TLL2: variants seen among roughly 807,000 people sequenced by gnomAD.
TLL2 encodes the protein tolloid like 2, also known as tolloid-like protein 2.
Under a neutral mutation model 123.0 loss-of-function variants are expected in TLL2, and 106 were observed. That is an observed-to-expected ratio of 0.86 (90% confidence interval 0.74 to 1.01). The LOEUF is 1.01. TLL2 is among the 50% of genes least tolerant of loss of function. The pLI, the probability that TLL2 is intolerant of heterozygous loss-of-function variation, is 0.00. For missense variants in TLL2, 1,332 were observed against 1,336.7 expected (o/e 1.00, Z 0.06); for synonymous variants, 494 against 516.8 (o/e 0.96, Z 0.60).
chr10:96,474,153 C>T (rs1325546181), intron 2 of TLL2, among the ~76,000 whole-genome samples: 1 of 152,164 alleles, frequency 6.6e-6, no homozygotes, highest in African/African-American at 2.4e-5. Flanking sequence ...CTTCTCACTG[C>T]AAATAAAATG....
At chr10:96,427,402 C>A (rs924744821) in intron 5 of TLL2, among the ~76,000 whole-genome samples, 15 of 152,210 alleles carry the variant, frequency 9.9e-5, no homozygotes, top group Admixed American at 7.9e-4. Context: ...GTGACACTGA[C>A]TTACTTGGGC....
chr10:96,457,922 A>G (rs1391871717), intron 2 of TLL2, among the ~76,000 whole-genome samples: 1 of 152,114 alleles, frequency 6.6e-6, no homozygotes, highest in Non-Finnish European at 1.5e-5. Context: ...CAATGATCTC[A>G]TTTATTCGCT....
chr10:96,448,896 G>A (rs1846927004), intron 2 of TLL2, among the ~76,000 whole-genome samples: 1 of 152,092 alleles, frequency 6.6e-6, no homozygotes, highest in Admixed American at 6.5e-5. Flanking sequence ...TCAGGATTTT[G>A]GCTTTTATTC....
At chr10:96,434,023 C>G (rs923149348) in intron 3 of TLL2, among the ~76,000 whole-genome samples, 3 of 152,186 alleles carry the variant, frequency 2.0e-5, no homozygotes, top group Non-Finnish European at 4.4e-5. Flanking sequence ...GATCCACCCG[C>G]CTAGGCCTCC....
intron 2 of TLL2, among the ~76,000 whole-genome samples, chr10:96,460,695 C>T (rs893442353): frequency 6.6e-6 from 1 of 152,160 alleles, no homozygotes; most frequent in Non-Finnish European, 1.5e-5. Context: ...CCTGAGGACT[C>T]CCCAGCCACA....
chr10:96,484,886 C>A (rs1176645653), intron 1 of TLL2, among the ~76,000 whole-genome samples: 1 of 152,172 alleles, frequency 6.6e-6, no homozygotes, highest in African/African-American at 2.4e-5. Flanking sequence ...GATTTCCCCA[C>A]AGAGGTCAAA....
In TLL2 at chr10:96,387,138, A is replaced by T. The variant is rs1589408519; in HGVS notation, c.1727-60T>A. The T allele has an allele frequency of 6.3e-6, 10 of 1,587,584 alleles. No individual in the cohort carries two copies. In the East Asian group the frequency reaches 2.3e-4, roughly 36 times the overall value. On this transcript the variant is annotated intron_variant, in intron 13 of 20. Coordinates refer to ENST00000357947, the MANE Select transcript of TLL2 (RefSeq NM_012465.4). ...TCAGGAAGCCTCCTGGCTGTTCCCA[A>T]CCCTTGCATATCCCAGTGTCACCAG... is the stretch of plus-strand genomic sequence containing the variant.
intron 17 of TLL2, 114 bp downstream of exon 17, chr10:96,378,853 T>C: frequency 1.4e-6 from 2 of 1,413,146 alleles, no homozygotes; most frequent in Non-Finnish European, 1.9e-6. Context: ...GGGCCTCAGC[T>C]CAGAAGGTGG....
At chr10:96,418,631 C>A (rs1846588659) in intron 7 of TLL2, among the ~76,000 whole-genome samples, 1 of 151,386 alleles carries the variant, frequency 6.6e-6, no homozygotes, top group Non-Finnish European at 1.5e-5. Flanking sequence ...AGTCTCTGTC[C>A]TCAAGGATCT....
At chr10:96,424,217 T>A (rs1329302738) in intron 5 of TLL2, among the ~76,000 whole-genome samples, 1 of 151,494 alleles carries the variant, frequency 6.6e-6, no homozygotes, top group African/African-American at 2.4e-5. Context: ...GAAAAAAAAA[T>A]GAAAGCATGA....
chr10:96,376,976 C>G (rs1438599671), intron 17 of TLL2, among the ~76,000 whole-genome samples, 157 bp from the exon 18 acceptor site: 1 of 152,208 alleles, frequency 6.6e-6, no homozygotes, highest in Non-Finnish European at 1.5e-5. Flanking sequence ...TCTCCTGGCT[C>G]AGGGATGTGC....
chr10:96,504,398 C>T (rs1847560025), intron 1 of TLL2, among the ~76,000 whole-genome samples: 1 of 151,924 alleles, frequency 6.6e-6, no homozygotes, highest in South Asian at 2.1e-4. Flanking sequence ...TCACTTGAGG[C>T]CAGGAGTTCA....
chr10:96,408,073 CAG>C (rs1846468319), intron 9 of TLL2, among the ~76,000 whole-genome samples: 3 of 152,246 alleles, frequency 2.0e-5, no homozygotes, highest in African/African-American at 7.2e-5. Flanking sequence ...AGTCTTAAGA[CAG>C]GGGTGTGCCT....
In TLL2 at chr10:96,405,281, A is replaced by G; in HGVS notation, c.1218T>C (p.Tyr406=). ...AACCATCCCGGACCTCCACGTAATC[A>G]TACCAGCACAGTCGGCTTTTAAACA... ...MDLFKSRLCW[Y]DYVEVRDGYW... is the part of the protein sequence containing the mutation. The change falls in exon 10 of 21, where the codon TAT becomes TAC. Residue 406 remains tyrosine, a synonymous_variant. Coordinates refer to ENST00000357947, the MANE Select transcript of TLL2 (RefSeq NM_012465.4). The G allele has an allele frequency of 6.2e-7, 1 of 1,614,200 alleles. No homozygotes were observed.
intron 9 of TLL2, 37 bp downstream of exon 9, chr10:96,410,322 A>G (rs1202441147): frequency 2.0e-6 from 3 of 1,501,412 alleles, no homozygotes; most frequent in Non-Finnish European, 2.8e-6. Flanking sequence ...CAACTCAAGG[A>G]GTGCCGTCCC....
rs1846069726 is a variant in TLL2, at chr10:96,370,299, C to A, written c.2679G>T (p.Leu893=). ...GCTCTTTGGTCTGCACTTCAGCCTT[C>A]AGCCTGCCCCCGCACTCTGGAGCAG... ...AVHSTECGGR[L]KAEVQTKELY... The change falls in exon 20 of 21, where the codon CTG becomes CTT. Residue 893 remains leucine, a synonymous_variant. Transcript: ENST00000357947. The A allele has an allele frequency of 6.3e-7, 1 of 1,588,128 alleles. No homozygotes were observed. Among genetic ancestry groups the A allele is most frequent in the South Asian group, 1.2e-5 (1 of 85,976 alleles).
rs75869060 is a variant in TLL2 at position 96,442,905 on chromosome 10, T to A, written c.364+3186A>T. Reference sequence around the variant, plus strand: ...CTACATTCCTTGAGCCTCTTTTAAGTTCCAGACACCTGGCTATGTGCTTTA... The same window carrying A: ...CTACATTCCTTGAGCCTCTTTTAAGATCCAGACACCTGGCTATGTGCTTTA... On this transcript the variant is annotated intron_variant, in intron 3 of 20. Coordinates refer to ENST00000357947, the MANE Select transcript of TLL2 (RefSeq NM_012465.4). Among the ~76,000 whole-genome samples, 39 of 152,272 alleles carry A rather than the reference T, an allele frequency of 2.6e-4. No homozygotes were observed. The East Asian group carries it at 7.0e-3, about 27-fold the overall frequency.
intron 1 of TLL2, among the ~76,000 whole-genome samples, chr10:96,512,797 G>A (rs1847644201): frequency 6.6e-6 from 1 of 152,250 alleles, no homozygotes; most frequent in South Asian, 2.1e-4. Context: ...CTCACGAGCC[G>A]ATCAGTGGCC....
intron 2 of TLL2, among the ~76,000 whole-genome samples, chr10:96,463,059 G>T (rs1358543555): frequency 6.6e-6 from 1 of 152,184 alleles, no homozygotes; most frequent in Non-Finnish European, 1.5e-5. Flanking sequence ...CATGAATATT[G>T]ATTTTTAGGG....
Sources: allele counts gnomAD v4.1 joint callset (sites outside exome capture counted in the v4.1 genomes callset), GRCh38; gene constraint gnomAD v4.1.1; transcripts MANE v1.5; gene names NCBI Gene and HGNC (gene_info 2026-07-23, HGNC 2026-07-21).